BCLAF1: variants seen among roughly 807,000 people sequenced by gnomAD.
BCLAF1 encodes the protein BCL2 associated transcription factor 1.
Under a neutral mutation model 99.5 loss-of-function variants are expected in BCLAF1, and 10 were observed. The observed-to-expected ratio is 0.10, with a 90% CI of 0.06 to 0.17. The LOEUF (loss-of-function observed/expected upper bound fraction) is 0.17, where lower values mean the gene tolerates loss of function less well. BCLAF1 is among the 10% of genes least tolerant of loss of function. BCLAF1 has a pLI of 1.00. For synonymous variants in BCLAF1, 255 were observed against 370.9 expected, an observed-to-expected ratio of 0.69 and a Z score of 3.59; for missense variants, 636 against 1,105.8, an observed-to-expected ratio of 0.58 and a Z score of 6.02.
At chr6:136,285,792 G>A (rs1785047952) in intron 1 of BCLAF1, among the ~76,000 whole-genome samples, 1 of 152,120 alleles carries the variant, frequency 6.6e-6, no homozygotes, top group African/African-American at 2.4e-5. Context: ...TAAGTGATCA[G>A]AAACCAGCTA....
chr6:136,259,987 T>C lies in BCLAF1; in HGVS notation c.*1123A>G, dbSNP rs1256473647. 6.6e-6 allele frequency: 1 copy of C among 151,972 alleles called. No individual in the cohort carries two copies. The highest frequency in any genetic ancestry group is 1.5e-5 in the Non-Finnish European group (1 of 67,890). 9.4% of individuals were successfully genotyped at this position (151,972 alleles called of 1,614,324 possible). Reference sequence around the variant, plus strand: ...TCTTAAGAGGAAAAAGAAAAAGCCATTCTACAAAAACTGCAACTGAAATGG... The same window carrying C: ...TCTTAAGAGGAAAAAGAAAAAGCCACTCTACAAAAACTGCAACTGAAATGG... On this transcript the variant is annotated 3_prime_UTR_variant, in exon 13 of 13. Coordinates refer to ENST00000531224, the MANE Select transcript of BCLAF1 (RefSeq NM_014739.3).
intron 11 of BCLAF1, among the ~76,000 whole-genome samples, chr6:136,263,998 G>A (rs953643431): frequency 6.6e-6 from 1 of 152,098 alleles, no homozygotes; most frequent in Non-Finnish European, 1.5e-5. Context: ...CCCTGACTCT[G>A]GAGCCCAATG....
intron 1 of BCLAF1, among the ~76,000 whole-genome samples, chr6:136,285,913 C>A (rs897442130): frequency 3.9e-5 from 6 of 152,118 alleles, no homozygotes; most frequent in African/African-American, 1.4e-4. Context: ...GCCTGGCCAA[C>A]ATGGTGAAAC....
intron 8 of BCLAF1, among the ~76,000 whole-genome samples, chr6:136,270,963 T>C (rs1031267338): frequency 2.6e-5 from 4 of 151,448 alleles, no homozygotes; most frequent in Non-Finnish European, 4.4e-5. Flanking sequence ...ATACGCCCCA[T>C]GCAAAACAAA....
intron 11 of BCLAF1, among the ~76,000 whole-genome samples, chr6:136,264,750 T>C (rs1409176845): frequency 6.6e-6 from 1 of 152,162 alleles, no homozygotes; most frequent in African/African-American, 2.4e-5. Flanking sequence ...ATAATTAACT[T>C]TGGGAACTAA....
Position 136,275,647 on chromosome 6 carries a change from G to A in BCLAF1, c.1737C>T (p.Val579=), listed in dbSNP as rs1279362179. The part of the protein sequence containing the change: ...RLLASTLVHS[V]KKEQEFRSIF... ...TGGATCGGAATTCTTGCTCCTTCTT[G>A]ACAGAATGGACAAGTGTACTAGCAA... The change falls in exon 6 of 13, where the codon GTC becomes GTT. Residue 579 remains valine (V), a synonymous_variant. Coordinates refer to ENST00000531224, the MANE Select transcript of BCLAF1 (RefSeq NM_014739.3). 1.3e-6 allele frequency: 2 copies of A among 1,595,378 alleles called. No individual in the cohort carries two copies. The highest frequency in any genetic ancestry group is 1.7e-6 in the Non-Finnish European group (2 of 1,172,424).
In BCLAF1 at chr6:136,267,100, T is replaced by C. The variant is rs751867871; in HGVS notation, c.2473A>G (p.Thr825Ala). The C allele has an allele frequency of 8.1e-6, 13 of 1,613,150 alleles. No homozygotes were observed. The highest frequency in any genetic ancestry group is 2.2e-5 in the East Asian group (1 of 44,834). ...TNTGPNNSNT[T>A]FQKRPKEEEW... The stretch of plus-strand genomic sequence containing the variant: ...TCTTCCTTCGGTCTCTTTTGAAAAG[T>C]AGTATTTGAGTTGTTTGGACCAGTA... The change falls in exon 11 of 13, where the codon ACT becomes GCT. Residue 825 changes from threonine to alanine, a missense_variant. Around this residue, in one of 9 missense-constraint regions of BCLAF1, gnomAD observed 30 missense variants for 22.9 expected, o/e 1.31. Coordinates refer to ENST00000531224, the MANE Select transcript of BCLAF1 (RefSeq NM_014739.3).
At chr6:136,271,869 A>G (rs1221051176) in intron 8 of BCLAF1, 126 bp downstream of exon 8, 6 of 690,418 alleles carry the variant, frequency 8.7e-6, no homozygotes, top group South Asian at 1.8e-5. Flanking sequence ...GTACACTACC[A>G]TAATATAGTT....
In BCLAF1 at chr6:136,259,046, ATG is replaced by A. The variant is rs1239728172; in HGVS notation, c.*2062_*2063del. 6.6e-6 allele frequency: 1 copy of A among 152,316 alleles called. No individual in the cohort carries two copies. The highest frequency in any genetic ancestry group is 2.4e-5 in the African/African-American group (1 of 41,452). 9.4% of individuals were successfully genotyped at this position (152,316 alleles called of 1,614,324 possible). A position where few individuals can be genotyped will look rare whatever the true frequency, so the allele number is the denominator to read the frequency against. On this transcript the variant is annotated 3_prime_UTR_variant, in exon 13 of 13. Coordinates refer to ENST00000531224, the MANE Select transcript of BCLAF1 (RefSeq NM_014739.3). ...TAATATCGTAAAGCGTGGAGTTAAG[ATG>A]TGTTTTTAAAAAATATACAGGCTTT...
In BCLAF1 at chr6:136,273,072, G is replaced by C; in HGVS notation, c.1958+10C>G. 6.3e-7 allele frequency: 1 copy of C among 1,594,862 alleles called. No individual in the cohort carries two copies. The highest frequency in any genetic ancestry group is 8.6e-7 in the Non-Finnish European group (1 of 1,168,050). ...AACGTTTTTATATGCCAGTTCAGCA[G>C]GATACATACCTGTGTATTTCAGGGC... is the stretch of plus-strand genomic sequence containing the variant. On this transcript the variant is annotated intron_variant, in intron 7 of 12. Transcript: ENST00000531224.
At position 136,276,185 on chromosome 6, in the gene BCLAF1, T is replaced by C; in HGVS notation, c.1340A>G (p.Asn447Ser). 2 of 1,612,766 alleles carry C rather than the reference T, an allele frequency of 1.2e-6. No homozygotes were observed. Among genetic ancestry groups the C allele is most frequent in the East Asian group, 2.2e-5 (1 of 44,866 alleles). ...KYKSKVSLKG[N>S]RESDGFREEK... ...TTCTCTAAATCCATCACTTTCTCTA[T>C]TGCCTTTCAGTGAAACTTTGGACTT... Residue 447 changes from asparagine (N) to serine (S), a missense_variant, in exon 5 of 13, where the codon AAT (asparagine) becomes AGT (serine). Around this residue, in one of 9 missense-constraint regions of BCLAF1, gnomAD observed 186 missense variants for 275.3 expected, o/e 0.68. Transcript: ENST00000531224.
At chr6:136,287,210 TGA>T (rs1361047834) in intron 1 of BCLAF1, among the ~76,000 whole-genome samples, 1 of 151,456 alleles carries the variant, frequency 6.6e-6, no homozygotes, top group Non-Finnish European at 1.5e-5. Flanking sequence ...CTTGGGAGGC[TGA>T]GATACGAGAA....
chr6:136,272,152 C>A, intron 7 of BCLAF1, 73 bp from the exon 8 acceptor site: 1 of 1,068,242 alleles, frequency 9.4e-7, no homozygotes, highest in South Asian at 1.5e-5. Flanking sequence ...CACGATTATC[C>A]ATTTTCCTAA....
In BCLAF1 at chr6:136,287,847, T is replaced by G. The variant is rs549445714; in HGVS notation, c.-115+1866A>C. The stretch of plus-strand genomic sequence containing the variant: ...GAGTTCGAGACCAATATTGTGAAAC[T>G]CCGTCTCTACTAAAAATACAAAAAT... On this transcript the variant is annotated intron_variant, in intron 1 of 12. Coordinates refer to ENST00000531224, the MANE Select transcript of BCLAF1 (RefSeq NM_014739.3). Among the ~76,000 whole-genome samples the G allele has an allele frequency of 2.3e-3, 351 of 152,186 alleles. 1 individual carries two copies. Among genetic ancestry groups the G allele is most frequent in the African/African-American group, 8.0e-3 (332 of 41,518 alleles).
intron 9 of BCLAF1, chr6:136,269,146 C>T: frequency 8.2e-7 from 1 of 1,226,492 alleles, no homozygotes. Flanking sequence ...CTTACACAAA[C>T]TGTTTCTAGA....
rs187653436 is a variant in BCLAF1 at position 136,272,985 on chromosome 6, T to C, written c.1958+97A>G. On this transcript the variant is annotated intron_variant, in intron 7 of 12. Coordinates refer to ENST00000531224, the MANE Select transcript of BCLAF1 (RefSeq NM_014739.3). ...AAGTATAAATGAGGAATAATACTTG[T>C]ATCAATGACAAAAACAAACTTCCAA... The C allele has an allele frequency of 8.4e-5, 64 of 759,370 alleles. No homozygotes were observed. The African/African-American group carries it at 1.0e-3, about 12-fold the overall frequency. The allele number at this position is 759,370 out of a possible 1,614,324, so 47.0% of individuals were successfully genotyped here. A position where few individuals can be genotyped will look rare whatever the true frequency, so the allele number is the denominator to read the frequency against.
chr6:136,277,396 C>A (rs1783582884), intron 4 of BCLAF1, among the ~76,000 whole-genome samples: 1 of 152,154 alleles, frequency 6.6e-6, no homozygotes, highest in Non-Finnish European at 1.5e-5. Context: ...AACTTAATTT[C>A]TAAAAGGTTT....
chr6:136,286,238 C>T (rs1037817852), intron 1 of BCLAF1, among the ~76,000 whole-genome samples: 6 of 152,152 alleles, frequency 3.9e-5, no homozygotes, highest in African/African-American at 1.2e-4. Flanking sequence ...GTTTGGTCCC[C>T]AGATTGTTGT....
At chr6:136,269,315 ATAATTT>A in intron 9 of BCLAF1, 116 bp downstream of exon 9, 1 of 1,541,088 alleles carries the variant, frequency 6.5e-7, no homozygotes, top group South Asian at 1.2e-5. Flanking sequence ...TGTAAAACAA[ATAATTT>A]TAATTGTTTA....
Sources: allele counts gnomAD v4.1 joint callset (sites outside exome capture counted in the v4.1 genomes callset), GRCh38; gene constraint gnomAD v4.1.1; regional missense constraint gnomAD v4.1.1; transcripts MANE v1.5; gene names NCBI Gene and HGNC (gene_info 2026-07-23, HGNC 2026-07-21).